Variants in ZMYM2 observed in about 807,000 individuals in gnomAD.
ZMYM2 encodes zinc finger MYM-type containing 2, also known as zinc finger MYM-type protein 2.
A neutral mutation model predicts 162.8 loss-of-function variants in ZMYM2; 56 were observed. That is an observed-to-expected ratio of 0.34 (90% CI 0.28 to 0.43). The LOEUF (loss-of-function observed/expected upper bound fraction) is 0.43, where lower values mean the gene tolerates loss of function less well. ZMYM2 is among the 20% of genes least tolerant of loss of function. The probability of loss-of-function intolerance (pLI) is 1.00; values close to 1 mark genes in which losing one functional copy is unlikely to be tolerated. For synonymous variants in ZMYM2, 510 were observed against 541.6 expected, an observed-to-expected ratio of 0.94 and a Z score of 0.81; for missense variants, 1,275 against 1,621.8, an observed-to-expected ratio of 0.79 and a Z score of 3.67.
intron 3 of ZMYM2, among the ~76,000 whole-genome samples, chr13:19,995,682 C>G (rs1949967254): frequency 1.3e-5 from 2 of 152,102 alleles, no homozygotes; most frequent in African/African-American, 4.8e-5. Context: ...CCCAGCCCCC[C>G]ACCTTTTTTT....
intron 11 of ZMYM2, among the ~76,000 whole-genome samples, chr13:20,034,939 A>G (rs971592531): frequency 6.6e-6 from 1 of 152,222 alleles, no homozygotes. Context: ...GCCAGGCAGC[A>G]GATTATACAG....
intron 2 of ZMYM2, among the ~76,000 whole-genome samples, chr13:19,972,076 A>G (rs1956383760): frequency 6.6e-6 from 1 of 152,210 alleles, no homozygotes; most frequent in Non-Finnish European, 1.5e-5. Flanking sequence ...TTACCTCTAG[A>G]AATTCTACAC....
chr13:20,036,648 A>G (rs1953732041), intron 11 of ZMYM2, 89 bp from the exon 12 acceptor site: 1 of 1,143,574 alleles, frequency 8.7e-7, no homozygotes, highest in African/African-American at 1.6e-5. Flanking sequence ...CAGGAGAGGA[A>G]AAATCTTGAC....
the ZMYM2 span, among the ~76,000 whole-genome samples, chr13:19,944,811 C>A: frequency 6.6e-6 from 1 of 152,116 alleles, no homozygotes; most frequent in African/African-American, 2.4e-5. Context: ...GCTGGGATTA[C>A]AGGCACCCAC....
intron 14 of ZMYM2, among the ~76,000 whole-genome samples, chr13:20,057,276 A>T (rs1386957116): frequency 6.6e-6 from 1 of 151,650 alleles, no homozygotes; most frequent in African/African-American, 2.4e-5. Flanking sequence ...CTAATTATTT[A>T]TTTATTTTTA....
chr13:20,074,196 TTGTGTGTG>T lies in ZMYM2; in HGVS notation c.3453+6841_3453+6848del, dbSNP rs59855358. ...TGTGTTGTGTAGCATATGTCAGAAT[TTGTGTGTG>T]TGTGTGTGTGTGTGTGTGTGTGTGT... is the stretch of plus-strand genomic sequence containing the variant. On this transcript the variant is annotated intron_variant, in intron 21 of 24. Coordinates refer to ENST00000610343, the MANE Select transcript of ZMYM2 (RefSeq NM_197968.4). Among the ~76,000 whole-genome samples, 485 of 141,602 alleles carry T rather than the reference TTGTGTGTG, an allele frequency of 3.4e-3. 1 individual carries two copies. Among genetic ancestry groups the T allele is most frequent in the Middle Eastern group, 0.022 (6 of 278 alleles). 92.9% of individuals were successfully genotyped at this position (141,602 alleles called of 152,430 possible).
At chr13:19,864,406 C>G in the ZMYM2 span, 1 of 155,044 alleles carries the variant, frequency 6.4e-6, no homozygotes, top group Non-Finnish European at 1.5e-5. Flanking sequence ...CCGGAAGCCC[C>G]GACTGGGCTC....
intron 2 of ZMYM2, among the ~76,000 whole-genome samples, chr13:19,974,998 G>C (rs1201747447): frequency 1.3e-5 from 2 of 151,888 alleles, no homozygotes; most frequent in African/African-American, 4.8e-5. Context: ...ACATATTTAA[G>C]AGTGATTTTT....
chr13:19,954,935 T>G (rs1011627584), upstream of ZMYM2, among the ~76,000 whole-genome samples: 2 of 151,840 alleles, frequency 1.3e-5, no homozygotes, highest in African/African-American at 2.4e-5. Flanking sequence ...CTTAGCCTCC[T>G]GAGTAGCTGG....
chr13:20,016,389 A>G (rs915847589), intron 6 of ZMYM2, among the ~76,000 whole-genome samples: 11 of 152,172 alleles, frequency 7.2e-5, no homozygotes, highest in Non-Finnish European at 1.3e-4. Context: ...TCATGTAGGA[A>G]ATAAAAAGTG....
chr13:19,964,673 G>T lies in ZMYM2; in HGVS notation c.-11+4647G>T, dbSNP rs139772590. On this transcript the variant is annotated intron_variant, in intron 2 of 24. Coordinates refer to ENST00000610343, the MANE Select transcript of ZMYM2 (RefSeq NM_197968.4). ...AGACCGTTCTCTTTAATGTCAGTAG[G>T]CTGCCAAGGATTAGGTTTTTCTCTC... Among the ~76,000 whole-genome samples, 458 of 151,908 alleles carry T rather than the reference G, an allele frequency of 3.0e-3. 4 individuals are homozygous for T. The highest frequency in any genetic ancestry group is 0.011 in the African/African-American group (436 of 41,458).
chr13:19,906,860 T>A, the ZMYM2 span, among the ~76,000 whole-genome samples: 1 of 152,094 alleles, frequency 6.6e-6, no homozygotes, highest in African/African-American at 2.4e-5. Flanking sequence ...TGAACAGCCC[T>A]AACTCTAGTT....
intron 18 of ZMYM2, among the ~76,000 whole-genome samples, chr13:20,063,204 A>G (rs1593184637): frequency 6.6e-6 from 1 of 152,134 alleles, no homozygotes; most frequent in Admixed American, 6.5e-5. Context: ...GGAGTTCAAG[A>G]CCAGCCTGGG....
the ZMYM2 span, among the ~76,000 whole-genome samples, chr13:19,910,031 T>G: frequency 6.9e-6 from 1 of 143,914 alleles, no homozygotes; most frequent in Admixed American, 7.2e-5. Context: ...CTGGCCAACA[T>G]GGTGAAACCC....
intron 12 of ZMYM2, among the ~76,000 whole-genome samples, chr13:20,048,267 T>C (rs1316858577): frequency 6.8e-6 from 1 of 146,184 alleles, no homozygotes; most frequent in Non-Finnish European, 1.5e-5. Flanking sequence ...GTATAATTTT[T>C]CTTTATAAAC....
intron 12 of ZMYM2, among the ~76,000 whole-genome samples, chr13:20,045,539 C>T (rs775920160): frequency 1.3e-5 from 2 of 152,144 alleles, no homozygotes; most frequent in African/African-American, 2.4e-5. Flanking sequence ...TGAGAAATCA[C>T]TCAGAAAATG....
chr13:19,892,085 C>T, the ZMYM2 span, among the ~76,000 whole-genome samples: 1 of 151,234 alleles, frequency 6.6e-6, no homozygotes, highest in Non-Finnish European at 1.5e-5. Context: ...GGACCACAGG[C>T]GTGAGCTAGC....
chr13:20,084,850 T>C (rs1218619999), intron 24 of ZMYM2, among the ~76,000 whole-genome samples: 9 of 152,224 alleles, frequency 5.9e-5, no homozygotes, highest in African/African-American at 2.2e-4. Flanking sequence ...GTCCCCAGGA[T>C]GGCCCTCAAG....
chr13:20,018,745 C>T (rs948577822), intron 6 of ZMYM2, among the ~76,000 whole-genome samples: 1 of 152,046 alleles, frequency 6.6e-6, no homozygotes, highest in Admixed American at 6.6e-5. Context: ...GATATGTATT[C>T]GTATTATATG....
Sources: allele counts gnomAD v4.1 joint callset (sites outside exome capture counted in the v4.1 genomes callset), GRCh38; gene constraint gnomAD v4.1.1; transcripts MANE v1.5; gene names NCBI Gene and HGNC (gene_info 2026-07-23, HGNC 2026-07-21).